Variants in ERC2 observed in about 807,000 individuals in gnomAD.
ERC2 encodes the protein ERC protein 2.
ERC2 carries 42 observed loss-of-function variants against 114.8 expected under a neutral mutation model. The observed-to-expected ratio is 0.37, with a 90% CI of 0.29 to 0.47. The LOEUF (loss-of-function observed/expected upper bound fraction) is 0.47, where lower values mean the gene tolerates loss of function less well. Ranked by LOEUF, ERC2 falls within the 20% of genes least tolerant of loss-of-function variation. ERC2 has a pLI of 0.99. For missense variants in ERC2, 939 were observed against 1,150.7 expected (o/e 0.82, Z 2.66); for synonymous variants, 454 against 425.5 (o/e 1.07, Z -0.82).
chr3:56,165,664 C>T (rs1223795814), intron 4 of ERC2, among the ~76,000 whole-genome samples: 1 of 151,812 alleles, frequency 6.6e-6, no homozygotes, highest in African/African-American at 2.4e-5. Context: ...TATTGTTAGA[C>T]TTGCTCTTAT....
At chr3:56,314,974 A>G (rs1252366885) in intron 2 of ERC2, among the ~76,000 whole-genome samples, 1 of 152,180 alleles carries the variant, frequency 6.6e-6, no homozygotes, top group African/African-American at 2.4e-5. Context: ...GTTTCAGGGT[A>G]TGTGCAACAG....
intron 13 of ERC2, among the ~76,000 whole-genome samples, chr3:55,928,180 C>T (rs765538114): frequency 6.6e-6 from 1 of 152,146 alleles, no homozygotes; most frequent in African/African-American, 2.4e-5. Context: ...TAAGGAACCT[C>T]CAAACTGTTC....
chr3:56,433,321 G>T (rs1425953568), intron 2 of ERC2, among the ~76,000 whole-genome samples: 4 of 152,102 alleles, frequency 2.6e-5, no homozygotes, highest in Non-Finnish European at 5.9e-5. Context: ...GAAAAGAAAA[G>T]AAAATAGCAG....
chr3:55,857,214 G>A (rs945491035), intron 14 of ERC2, among the ~76,000 whole-genome samples: 1 of 152,008 alleles, frequency 6.6e-6, no homozygotes, highest in Non-Finnish European at 1.5e-5. Flanking sequence ...AAACAGAGAG[G>A]GTACGAGGAC....
intron 15 of ERC2, among the ~76,000 whole-genome samples, chr3:55,726,030 C>G (rs748445654): frequency 1.3e-5 from 2 of 152,122 alleles, no homozygotes; most frequent in Non-Finnish European, 2.9e-5. Context: ...GAATAACCTG[C>G]CAGATCTGAG....
chr3:56,003,571 C>T lies in ERC2; in HGVS notation c.2061+3610G>A, dbSNP rs139849892. On this transcript the variant is annotated intron_variant, in intron 10 of 17. Transcript: ENST00000288221. ...CATTGAATTTATAGCTCTTCTTTTA[C>T]ATTAACACAAGCCTGAATTTTCTAT... Among the ~76,000 whole-genome samples the T allele has an allele frequency of 4.4e-3, 672 of 152,172 alleles. 6 individuals are homozygous for T. The highest frequency in any genetic ancestry group is 0.015 in the African/African-American group (636 of 41,544).
chr3:56,059,012 A>T (rs772825834), intron 7 of ERC2, among the ~76,000 whole-genome samples: 1 of 152,156 alleles, frequency 6.6e-6, no homozygotes, highest in African/African-American at 2.4e-5. Flanking sequence ...GGGATCATAG[A>T]AAGCCAGAAA....
At chr3:56,160,327 G>C (rs1344464924) in intron 4 of ERC2, among the ~76,000 whole-genome samples, 1 of 151,922 alleles carries the variant, frequency 6.6e-6, no homozygotes, top group Non-Finnish European at 1.5e-5. Context: ...GGAGTTATTT[G>C]TTTTTCTGCT....
At chr3:56,293,953 A>G (rs998341673) in intron 3 of ERC2, among the ~76,000 whole-genome samples, 1 of 152,256 alleles carries the variant, frequency 6.6e-6, no homozygotes, top group Admixed American at 6.5e-5. Context: ...GATCCCAACA[A>G]GGAGTGAGAA....
intron 1 of ERC2, among the ~76,000 whole-genome samples, chr3:56,466,562 A>G (rs2063551911): frequency 6.6e-6 from 1 of 152,222 alleles, no homozygotes; most frequent in Admixed American, 6.5e-5. Flanking sequence ...CATGAGAAAA[A>G]GGCAAACTCT....
At chr3:56,201,507 A>G (rs182114897) in intron 3 of ERC2, among the ~76,000 whole-genome samples, 2 of 152,334 alleles carry the variant, frequency 1.3e-5, no homozygotes, top group African/African-American at 4.8e-5. Context: ...AACTAGGAAT[A>G]GAATTAGTAA....
At chr3:55,884,232 A>G (rs1277513456) in intron 14 of ERC2, among the ~76,000 whole-genome samples, 1 of 152,218 alleles carries the variant, frequency 6.6e-6, no homozygotes, top group Non-Finnish European at 1.5e-5. Context: ...AACCTATATG[A>G]CAGTATATTG....
chr3:55,991,521 G>T (rs969622060), intron 11 of ERC2, among the ~76,000 whole-genome samples: 29 of 152,326 alleles, frequency 1.9e-4, no homozygotes, highest in African/African-American at 7.0e-4. Context: ...ACCTATTCAA[G>T]TATATGTATT....
At chr3:55,726,517 T>C (rs1432416231) in intron 15 of ERC2, among the ~76,000 whole-genome samples, 5 of 152,184 alleles carry the variant, frequency 3.3e-5, no homozygotes. Flanking sequence ...GAGATCCAAT[T>C]TTGACTAGGA....
intron 6 of ERC2, among the ~76,000 whole-genome samples, chr3:56,127,651 A>G (rs2079953412): frequency 2.0e-5 from 3 of 151,932 alleles, no homozygotes; most frequent in Admixed American, 2.0e-4. Flanking sequence ...TGAACCCAGG[A>G]GGCAGAGGTT....
intron 17 of ERC2, among the ~76,000 whole-genome samples, chr3:55,512,380 G>A (rs894871684): frequency 6.6e-6 from 1 of 152,186 alleles, no homozygotes. Flanking sequence ...AGTTCCTAGA[G>A]CAGATCATAT....
chr3:55,594,326 G>C (rs2058036728), intron 17 of ERC2, among the ~76,000 whole-genome samples: 1 of 152,130 alleles, frequency 6.6e-6, no homozygotes, highest in Non-Finnish European at 1.5e-5. Context: ...TAACTTTTTA[G>C]AAGACAAATC....
At chr3:55,961,603 C>G (rs1240614766) in intron 12 of ERC2, among the ~76,000 whole-genome samples, 1 of 152,156 alleles carries the variant, frequency 6.6e-6, no homozygotes, top group Non-Finnish European at 1.5e-5. Flanking sequence ...CAACAGATTT[C>G]TGCTGGTGAC....
intron 14 of ERC2, among the ~76,000 whole-genome samples, chr3:55,807,637 G>A (rs746845353): frequency 4.6e-5 from 7 of 152,110 alleles, no homozygotes; most frequent in East Asian, 3.9e-4. Flanking sequence ...TTGGCCAGCC[G>A]CAGTTTTCTA....
Sources: allele counts gnomAD v4.1 joint callset (sites outside exome capture counted in the v4.1 genomes callset), GRCh38; gene constraint gnomAD v4.1.1; transcripts MANE v1.5; gene names NCBI Gene and HGNC (gene_info 2026-07-23, HGNC 2026-07-21).